Variants in TLR4 observed in about 807,000 individuals in gnomAD.
TLR4 encodes toll-like receptor 4.
In TLR4, 17 loss-of-function variants were observed where a neutral mutation model predicts 27.4. That is an observed-to-expected ratio of 0.62 (90% confidence interval 0.42 to 0.93). The LOEUF (loss-of-function observed/expected upper bound fraction) is 0.93, where lower values mean the gene tolerates loss of function less well. Among genes scored for constraint, TLR4 ranks in the 40% least tolerant of loss-of-function variants. The pLI is 0.00. For missense variants in TLR4, 926 were observed against 962.3 expected (o/e 0.96, Z 0.50); for synonymous variants, 363 against 365.7 (o/e 0.99, Z 0.08).
chr9:117,707,407 AGAT>A (rs1379901453), intron 1 of TLR4, among the ~76,000 whole-genome samples: 4 of 152,234 alleles, frequency 2.6e-5, no homozygotes, highest in Non-Finnish European at 2.9e-5. Context: ...GATTAATGAT[AGAT>A]GATAATAATT....
chr9:117,710,712 G>C (rs1200596803), intron 2 of TLR4, among the ~76,000 whole-genome samples: 1 of 151,934 alleles, frequency 6.6e-6, no homozygotes, highest in Non-Finnish European at 1.5e-5. Flanking sequence ...AATGCTTTGT[G>C]ATAGACCAGG....
At chr9:117,707,222 T>C (rs904634673) in intron 1 of TLR4, among the ~76,000 whole-genome samples, 1 of 152,162 alleles carries the variant, frequency 6.6e-6, no homozygotes, top group African/African-American at 2.4e-5. Context: ...TCTTTGAGGC[T>C]CCATGGCTTG....
chr9:117,708,358 T>C lies in TLR4; in HGVS notation c.94-205T>C, dbSNP rs531075137. On this transcript the variant is annotated intron_variant, in intron 1 of 2. Coordinates refer to ENST00000355622, the MANE Select transcript of TLR4 (RefSeq NM_138554.5). ...CACGTAGTAGGTGCTCTTTACTTTCTAATCTAGAGTAAGACAATTTATAAG... is the reference window on the plus strand; with the variant it reads ...CACGTAGTAGGTGCTCTTTACTTTCCAATCTAGAGTAAGACAATTTATAAG... 159 of 1,391,896 alleles carry C rather than the reference T, an allele frequency of 1.1e-4. 2 individuals are homozygous for C. The South Asian group carries it at 2.0e-3, about 18-fold the overall frequency. 86.2% of individuals were successfully genotyped at this position (1,391,896 alleles called of 1,614,324 possible). A position where few individuals can be genotyped will look rare whatever the true frequency, so the allele number is the denominator to read the frequency against.
rs1449246376 is a variant in TLR4 at position 117,712,468 on chromosome 9, A to T, written c.340A>T (p.Ile114Phe). ...TACCTTAATATTGACAGGAAACCCC[A>T]TCCAGAGTTTAGCCCTGGGAGCCTT... ...LSTLILTGNP[I>F]QSLALGAFSG... The change falls in exon 3 of 3, where the codon ATC becomes TTC. Residue 114 changes from isoleucine to phenylalanine, a missense_variant. Physicochemically the swap from Ile to Phe is conservative, Grantham distance 21. Transcript: ENST00000355622. 1 of 1,613,910 alleles carries T rather than the reference A, an allele frequency of 6.2e-7. No homozygotes were observed. Among genetic ancestry groups the T allele is most frequent in the South Asian group, 1.1e-5 (1 of 91,080 alleles).
Position 117,712,544 on chromosome 9 carries a change from C to A in TLR4, c.416C>A (p.Ala139Glu). 6.2e-7 allele frequency: 1 copy of A among 1,613,978 alleles called. No individual in the cohort carries two copies. Among genetic ancestry groups the A allele is most frequent in the Non-Finnish European group, 8.5e-7 (1 of 1,179,958 alleles). The change falls in exon 3 of 3, where the codon GCA becomes GAA. Residue 139 changes from alanine (A) to glutamate (E), a missense_variant. By Grantham distance (107) the Ala-to-Glu change is moderately radical. Transcript: ENST00000355622. ...CTGGTGGCTGTGGAGACAAATCTAG[C>A]ATCTCTAGAGAACTTCCCCATTGGA... ...QKLVAVETNL[A>E]SLENFPIGHL...
In TLR4 at chr9:117,714,550, T is replaced by G. The variant is rs1829308508; in HGVS notation, c.2422T>G (p.Trp808Gly). 6.2e-7 allele frequency: 1 copy of G among 1,613,766 alleles called. No homozygotes were observed. The highest frequency in any genetic ancestry group is 8.5e-7 in the Non-Finnish European group (1 of 1,179,982). Residue 808 changes from tryptophan to glycine, a missense_variant, in exon 3 of 3, where the codon TGG becomes GGG. Transcript: ENST00000355622. ...CAGTGTCCTGGGGCGGCACATCTTC[T>G]GGAGACGACTCAGAAAAGCCCTGCT... ...EDSVLGRHIF[W>G]RRLRKALLDG...
In TLR4 at chr9:117,713,956, G is replaced by C; in HGVS notation, c.1828G>C (p.Ala610Pro). 6.2e-7 allele frequency: 1 copy of C among 1,614,056 alleles called. No individual in the cohort carries two copies. The highest frequency in any genetic ancestry group is 2.2e-5 in the East Asian group (1 of 44,842). The change falls in exon 3 of 3, where the codon GCA becomes CCA. Residue 610 changes from alanine to proline, a missense_variant. Coordinates refer to ENST00000355622, the MANE Select transcript of TLR4 (RefSeq NM_138554.5). ...GGTGGAAGTTGAACGAATGGAATGT[G>C]CAACACCTTCAGATAAGCAGGGCAT... ...LLVEVERMEC[A>P]TPSDKQGMPV...
In TLR4 at chr9:117,708,644, C is replaced by A. The variant is rs892362464; in HGVS notation, c.175C>A (p.Leu59Met). 4 of 1,613,892 alleles carry A rather than the reference C, an allele frequency of 2.5e-6. No individual in the cohort carries two copies. Among genetic ancestry groups the A allele is most frequent in the Non-Finnish European group, 3.4e-6 (4 of 1,179,890 alleles). ...CAACCTCCCCTTCTCAACCAAGAACCTGGACCTGAGCTTTAATCCCCTGAG... is the reference window on the plus strand; with the variant it reads ...CAACCTCCCCTTCTCAACCAAGAACATGGACCTGAGCTTTAATCCCCTGAG... Reference protein sequence around the residue: ...PDNLPFSTKNLDLSFNPLRHL... With the variant: ...PDNLPFSTKNMDLSFNPLRHL... Residue 59 changes from leucine (L) to methionine (M), a missense_variant, in exon 2 of 3, where the codon CTG becomes ATG. Physicochemically the swap from Leu to Met is conservative, Grantham distance 15. Transcript: ENST00000355622.
chr9:117,714,875 C>T lies in TLR4; in HGVS notation c.*227C>T. 3.5e-6 allele frequency: 2 copies of T among 577,022 alleles called. No individual in the cohort carries two copies. The highest frequency in any genetic ancestry group is 6.2e-6 in the Non-Finnish European group (2 of 323,124). The allele number at this position is 577,022 out of a possible 1,614,324, so 35.7% of individuals were successfully genotyped here. On this transcript the variant is annotated 3_prime_UTR_variant, in exon 3 of 3. Coordinates refer to ENST00000355622, the MANE Select transcript of TLR4 (RefSeq NM_138554.5). ...TTCCAGGTGGGCATTTCAACCAACT[C>T]AGTCAAGGAACCCATGACAAAGAAA...
At position 117,713,878 on chromosome 9, in the gene TLR4, A is replaced by G. The variant is rs1829289798; in HGVS notation, c.1750A>G (p.Thr584Ala). 1 of 1,614,014 alleles carries G rather than the reference A, an allele frequency of 6.2e-7. No homozygotes were observed. Among genetic ancestry groups the G allele is most frequent in the Non-Finnish European group, 8.5e-7 (1 of 1,180,010 alleles). ...TCTTACTCAGAATGACTTTGCTTGT[A>G]CTTGTGAACACCAGAGTTTCCTGCA... is the stretch of plus-strand genomic sequence containing the variant. ...LNLTQNDFAC[T>A]CEHQSFLQWI... The change falls in exon 3 of 3, where the codon ACT becomes GCT. Residue 584 changes from threonine (T) to alanine (A), a missense_variant. By Grantham distance (58) the Thr-to-Ala change is moderately conservative. Transcript: ENST00000355622.
Position 117,714,682 on chromosome 9 carries a change from T to A in TLR4, c.*34T>A, listed in dbSNP as rs200417484. The A allele has an allele frequency of 6.3e-7, 1 of 1,592,138 alleles. No individual in the cohort carries two copies. Among genetic ancestry groups the A allele is most frequent in the Admixed American group, 1.7e-5 (1 of 59,954 alleles). On this transcript the variant is annotated 3_prime_UTR_variant, in exon 3 of 3. Coordinates refer to ENST00000355622, the MANE Select transcript of TLR4 (RefSeq NM_138554.5). ...AATAAAAACCTCCTGAGGCATTTCT[T>A]GCCCAGCTGGGTCCAACACTTGTTC...
chr9:117,711,635 G>A (rs759647288), intron 2 of TLR4, among the ~76,000 whole-genome samples: 6 of 151,966 alleles, frequency 3.9e-5, no homozygotes, highest in Non-Finnish European at 7.4e-5. Flanking sequence ...CAACCTTGGG[G>A]CTTTTGTGTT....
At chr9:117,709,724 C>T (rs530530081) in intron 2 of TLR4, among the ~76,000 whole-genome samples, 3 of 152,186 alleles carry the variant, frequency 2.0e-5, no homozygotes, top group South Asian at 4.1e-4. Context: ...TTAGAGCAGA[C>T]ATTTCTGTAG....
chr9:117,723,693 A>G lies in TLR4; in HGVS notation c.*9045A>G, dbSNP rs1424260704. 1 of 152,216 alleles carries G rather than the reference A, an allele frequency of 6.6e-6. No individual in the cohort carries two copies. Among genetic ancestry groups the G allele is most frequent in the Non-Finnish European group, 1.5e-5 (1 of 68,034 alleles). The allele number at this position is 152,216 out of a possible 1,614,324, so 9.4% of individuals were successfully genotyped here. A position where few individuals can be genotyped will look rare whatever the true frequency, so the allele number is the denominator to read the frequency against. On this transcript the variant is annotated 3_prime_UTR_variant, in exon 3 of 3. Transcript: ENST00000355622. ...TTGCCTACATATTCCAAAAGCTTTTAAATTAAGCTATATGTCATTCTTACA... is the reference window on the plus strand; with the variant it reads ...TTGCCTACATATTCCAAAAGCTTTTGAATTAAGCTATATGTCATTCTTACA...
Position 117,724,328 on chromosome 9 carries a change from C to G in TLR4, c.*9680C>G, listed in dbSNP as rs889754854. 13 of 152,296 alleles carry G rather than the reference C, an allele frequency of 8.5e-5. No homozygotes were observed. Among genetic ancestry groups the G allele is most frequent in the Admixed American group, 4.6e-4 (7 of 15,284 alleles). The allele number at this position is 152,296 out of a possible 1,614,324, so 9.4% of individuals were successfully genotyped here. On this transcript the variant is annotated 3_prime_UTR_variant, in exon 3 of 3. Transcript: ENST00000355622. ...AAATATCTGAAGCTCAATTCTGTTG[C>G]CATTCTAAGCTCTCTAAATGTCACC...
intron 2 of TLR4, 25 bp downstream of exon 2, chr9:117,708,754 G>A: frequency 6.2e-7 from 1 of 1,613,204 alleles, no homozygotes; most frequent in Non-Finnish European, 8.5e-7. Context: ...TTTACATACT[G>A]CACAAGGTGA....
Position 117,712,692 on chromosome 9 carries a change from A to G in TLR4, c.564A>G (p.Gln188=), listed in dbSNP as rs1829255139. Residue 188 remains glutamine, a synonymous_variant, in exon 3 of 3, where the codon CAA becomes CAG. Transcript: ENST00000355622. ...TGGACCTTTCCAGCAACAAGATTCA[A>G]AGTATTTATTGCACAGACTTGCGGG... ...EHLDLSSNKI[Q]SIYCTDLRVL... 6.2e-7 allele frequency: 1 copy of G among 1,614,120 alleles called. No homozygotes were observed. Among genetic ancestry groups the G allele is most frequent in the African/African-American group, 1.3e-5 (1 of 75,050 alleles).
chr9:117,719,896 C>T lies in TLR4; in HGVS notation c.*5248C>T, dbSNP rs1022874806. 2.0e-5 allele frequency: 3 copies of T among 152,130 alleles called. No individual in the cohort carries two copies. Among genetic ancestry groups the T allele is most frequent in the Admixed American group, 1.3e-4 (2 of 15,274 alleles). The allele number at this position is 152,130 out of a possible 1,614,324, so 9.4% of individuals were successfully genotyped here. On this transcript the variant is annotated 3_prime_UTR_variant, in exon 3 of 3. Transcript: ENST00000355622. The stretch of plus-strand genomic sequence containing the variant: ...TGAGCACCATGCGTGATCATCTGAT[C>T]GTTACTGCTACCTTGTGAGTTAAAG...
Position 117,722,006 on chromosome 9 carries a change from A to C in TLR4, c.*7358A>C, listed in dbSNP as rs997164166. ...TCCATGCAATCATTTTAGTTCTCCT[A>C]GTTTCTACCTATCACGTTGTCATTT... On this transcript the variant is annotated 3_prime_UTR_variant, in exon 3 of 3. Coordinates refer to ENST00000355622, the MANE Select transcript of TLR4 (RefSeq NM_138554.5). 16 of 152,166 alleles carry C rather than the reference A, an allele frequency of 1.1e-4. 1 individual carries two copies. Among genetic ancestry groups the C allele is most frequent in the Admixed American group, 9.2e-4 (14 of 15,270 alleles). 9.4% of individuals were successfully genotyped at this position (152,166 alleles called of 1,614,324 possible).
Sources: allele counts gnomAD v4.1 joint callset (sites outside exome capture counted in the v4.1 genomes callset), GRCh38; gene constraint gnomAD v4.1.1; transcripts MANE v1.5; gene names NCBI Gene and HGNC (gene_info 2026-07-23, HGNC 2026-07-21).